Variants in PRH1 observed in about 807,000 individuals in gnomAD.
The protein encoded by PRH1 is salivary acidic proline-rich phosphoprotein 1/2.
In PRH1, 7 loss-of-function variants were observed where a neutral mutation model predicts 7.9. That is an observed-to-expected ratio of 0.89 (90% confidence interval 0.50 to 1.67). The LOEUF (loss-of-function observed/expected upper bound fraction) is 1.67. Among genes scored for constraint, PRH1 ranks in the 40% most tolerant of loss-of-function variants. PRH1 has a pLI of 0.00. For synonymous variants in PRH1, 45 were observed against 80.8 expected, an observed-to-expected ratio of 0.56 and a Z score of 2.38; for missense variants, 109 against 223.6, an observed-to-expected ratio of 0.49 and a Z score of 3.27.
At chr12:10,941,703 C>T (rs944831687) in intron 2 of PRH1, among the ~76,000 whole-genome samples, 2 of 151,980 alleles carry the variant, frequency 1.3e-5, no homozygotes, top group Non-Finnish European at 2.9e-5. Flanking sequence ...TAACTAACCT[C>T]CTGAATTTTT....
At chr12:10,946,072 AATC>A (rs1198168871) in intron 2 of PRH1, among the ~76,000 whole-genome samples, 1 of 152,202 alleles carries the variant, frequency 6.6e-6, no homozygotes, top group Non-Finnish European at 1.5e-5. Context: ...CAGTTAATGC[AATC>A]ATCACAGGGT....
At chr12:10,974,633 G>T (rs1939003253) in intron 1 of PRH1, among the ~76,000 whole-genome samples, 1 of 151,934 alleles carries the variant, frequency 6.6e-6, no homozygotes, top group African/African-American at 2.4e-5. Context: ...GAAAAAAAAA[G>T]AACCCATCCA....
intron 2 of PRH1, among the ~76,000 whole-genome samples, chr12:10,922,612 G>A (rs1011542195): frequency 1.3e-5 from 2 of 151,980 alleles, no homozygotes; most frequent in African/African-American, 4.8e-5. Flanking sequence ...CTACATAAAA[G>A]TATTGAATTA....
chr12:11,168,437 A>G (rs1232386491), intron 1 of PRH1, among the ~76,000 whole-genome samples: 3 of 150,952 alleles, frequency 2.0e-5, no homozygotes, highest in Non-Finnish European at 4.4e-5. Context: ...AAAAGAAAAG[A>G]AAAAAGAAAG....
intron 1 of PRH1, among the ~76,000 whole-genome samples, chr12:10,995,058 ATTC>A (rs1458981812): frequency 9.2e-5 from 14 of 152,134 alleles, no homozygotes; most frequent in African/African-American, 2.9e-4. Flanking sequence ...GCTCTGAGAA[ATTC>A]TTCTTCTTCT....
At chr12:11,103,106 G>A (rs959237862) in intron 1 of PRH1, among the ~76,000 whole-genome samples, 1 of 152,196 alleles carries the variant, frequency 6.6e-6, no homozygotes, top group South Asian at 2.1e-4. Context: ...CTGTAAACTA[G>A]TTCAAACATT....
chr12:10,997,872 T>C, intron 1 of PRH1: 1 of 1,583,980 alleles, frequency 6.3e-7, no homozygotes, highest in Non-Finnish European at 8.6e-7. Flanking sequence ...AGAAAACTCA[T>C]CATGTCTAAA....
chr12:10,918,900 T>C (rs1020473088), intron 2 of PRH1, among the ~76,000 whole-genome samples: 1 of 152,160 alleles, frequency 6.6e-6, no homozygotes, highest in African/African-American at 2.4e-5. Flanking sequence ...ATATTGCAAA[T>C]AGACTTTAAA....
intron 1 of PRH1, among the ~76,000 whole-genome samples, chr12:11,129,220 T>G (rs1173461353): frequency 2.0e-5 from 3 of 152,280 alleles, no homozygotes; most frequent in Non-Finnish European, 4.4e-5. Context: ...CAGCCCGCAG[T>G]GGGAGTTTTG....
At chr12:10,944,420 C>T (rs1370519892) in intron 2 of PRH1, among the ~76,000 whole-genome samples, 3 of 152,054 alleles carry the variant, frequency 2.0e-5, no homozygotes, top group Non-Finnish European at 4.4e-5. Flanking sequence ...GATTTTGTAT[C>T]CTGCAACTTT....
chr12:11,115,830 A>C lies in PRH1; in HGVS notation n.123+55592T>G, dbSNP rs182413186. 8.5e-5 allele frequency among the ~76,000 whole-genome samples: 13 copies of C among 152,268 alleles called. No homozygotes were observed. The East Asian group carries it at 2.5e-3, about 29-fold the overall frequency. The stretch of plus-strand genomic sequence containing the variant: ...ATCAAAGAAATTTAAAAGGAAATTG[A>C]AAAAATGCTAGAAACAAATGATAGT... On this transcript the variant is annotated intron_variant and non_coding_transcript_variant, in intron 1 of 4. Transcript: ENST00000541977.
At chr12:11,016,254 G>A (rs1470546488) in intron 1 of PRH1, among the ~76,000 whole-genome samples, 1 of 152,114 alleles carries the variant, frequency 6.6e-6, no homozygotes, top group African/African-American at 2.4e-5. Flanking sequence ...AAAAGTGTCT[G>A]CTTTCTGCTC....
intron 1 of PRH1, chr12:11,134,300 A>G: frequency 1.7e-6 from 2 of 1,152,796 alleles, no homozygotes; most frequent in East Asian, 5.1e-5. Flanking sequence ...ACTGGTTGTG[A>G]TTGCTTGAAT....
intron 2 of PRH1, among the ~76,000 whole-genome samples, chr12:10,912,337 G>A (rs979318665): frequency 1.3e-5 from 2 of 151,876 alleles, no homozygotes; most frequent in African/African-American, 2.4e-5. Flanking sequence ...TCTTGTTTTG[G>A]CAGTTACGAC....
At chr12:11,105,277 T>C (rs2708359) in intron 1 of PRH1, among the ~76,000 whole-genome samples, 1 of 151,334 alleles carries the variant, frequency 6.6e-6, no homozygotes, top group Non-Finnish European at 1.5e-5. Flanking sequence ...TTATTGTTGA[T>C]GAAAAAATGA....
downstream of PRH1, among the ~76,000 whole-genome samples, chr12:11,117,625 G>A (rs1397035989): frequency 6.6e-6 from 1 of 151,964 alleles, no homozygotes; most frequent in Non-Finnish European, 1.5e-5. Flanking sequence ...TAAGAAAAAA[G>A]AACAAAACTG....
rs145361787 is a variant in PRH1, at chr12:10,901,415, T to C, written c.-58-17140A>G. On this transcript the variant is annotated intron_variant, in intron 2 of 3. Coordinates refer to the PRH1 transcript ENST00000539853. ...GCTCCACCCCTAGACAGAACTCTGG[T>C]CACTTGGTAGCCACTCAGTAGATTC... Among the ~76,000 whole-genome samples, 220 of 152,266 alleles carry C rather than the reference T, an allele frequency of 1.4e-3. 1 individual carries two copies. Among genetic ancestry groups the C allele is most frequent in the African/African-American group, 5.0e-3 (206 of 41,548 alleles).
At chr12:11,104,636 A>G (rs2597964) in intron 1 of PRH1, among the ~76,000 whole-genome samples, 65,958 of 149,098 alleles carry the variant, frequency 0.44, 14,788 homozygotes, top group Non-Finnish European at 0.51. Context: ...TTTAGCTATT[A>G]AAACTCAGTG....
intron 1 of PRH1, among the ~76,000 whole-genome samples, chr12:10,976,068 G>A (rs1435428768): frequency 1.3e-5 from 2 of 152,038 alleles, no homozygotes; most frequent in African/African-American, 4.8e-5. Context: ...TTGACCAAAC[G>A]AACCTAATAG....
Sources: gnomAD v4.1 joint callset for allele counts (sites outside exome capture counted in the v4.1 genomes callset) on GRCh38, gnomAD v4.1.1 for gene constraint, MANE v1.5 for transcripts, NCBI Gene and HGNC (gene_info 2026-07-23, HGNC 2026-07-21) for gene names.